Variants in NR2C1 observed in about 807,000 individuals in gnomAD.
The protein encoded by NR2C1 is TR2 nuclear hormone receptor.
Under a neutral mutation model 74.8 loss-of-function variants are expected in NR2C1, and 33 were observed. The ratio of observed to expected loss-of-function variants is 0.44; its 90% CI spans 0.33 to 0.59. The LOEUF (loss-of-function observed/expected upper bound fraction) is 0.59, where lower values mean the gene tolerates loss of function less well. Ranked by LOEUF, NR2C1 falls within the 20% of genes least tolerant of loss-of-function variation. The pLI, the probability that NR2C1 is intolerant of heterozygous loss-of-function variation, is 0.02. For missense variants in NR2C1, 568 were observed against 715.6 expected, an observed-to-expected ratio of 0.79 and a Z score of 2.35; for synonymous variants, 225 against 240.6, an observed-to-expected ratio of 0.94 and a Z score of 0.60.
chr12:95,063,776 T>C (rs995196101), intron 2 of NR2C1, among the ~76,000 whole-genome samples: 18 of 151,942 alleles, frequency 1.2e-4, no homozygotes, highest in African/African-American at 4.4e-4. Flanking sequence ...ACGCCCATAA[T>C]CCCAGCACTT....
chr12:95,069,273 T>G (rs1876217520), intron 1 of NR2C1, among the ~76,000 whole-genome samples: 1 of 152,212 alleles, frequency 6.6e-6, no homozygotes, highest in Non-Finnish European at 1.5e-5. Context: ...AACTATTTGT[T>G]TATCTGAATG....
intron 7 of NR2C1, among the ~76,000 whole-genome samples, chr12:95,055,529 G>A (rs550757731): frequency 6.6e-6 from 1 of 152,212 alleles, no homozygotes; most frequent in Admixed American, 6.5e-5. Flanking sequence ...CTTGCCTAAT[G>A]TTATATAGCT....
intron 2 of NR2C1, among the ~76,000 whole-genome samples, chr12:95,064,697 G>A (rs1470680706): frequency 6.6e-6 from 1 of 152,162 alleles, no homozygotes; most frequent in Non-Finnish European, 1.5e-5. Context: ...AGCATTGAGA[G>A]TTTCTGTTAT....
intron 1 of NR2C1, among the ~76,000 whole-genome samples, chr12:95,072,391 T>C (rs922209799): frequency 6.9e-6 from 1 of 144,682 alleles, no homozygotes; most frequent in African/African-American, 2.6e-5. Flanking sequence ...AGGCGGAGGT[T>C]GCAGTGAGCC....
chr12:95,030,903 T>C, intron 11 of NR2C1: 1 of 1,551,886 alleles, frequency 6.4e-7, no homozygotes, highest in South Asian at 1.1e-5. Flanking sequence ...ATAAAAAGGA[T>C]TGTTCCTGAC....
intron 7 of NR2C1, among the ~76,000 whole-genome samples, chr12:95,052,464 CT>C (rs1565860488): frequency 3.3e-5 from 5 of 151,934 alleles, no homozygotes; most frequent in Admixed American, 2.6e-4. Context: ...GTATATGTTA[CT>C]TTTTTTTAAG....
intron 2 of NR2C1, among the ~76,000 whole-genome samples, chr12:95,065,264 C>T (rs1451109769): frequency 6.6e-6 from 1 of 151,992 alleles, no homozygotes; most frequent in African/African-American, 2.4e-5. Context: ...CTCACTGCAA[C>T]CTCTGCCTCC....
At chr12:95,068,096 C>T (rs553686980) in intron 1 of NR2C1, among the ~76,000 whole-genome samples, 77 of 152,020 alleles carry the variant, frequency 5.1e-4, no homozygotes, top group African/African-American at 1.7e-3. Flanking sequence ...GCCAGGATGG[C>T]CTTGATCTCC....
rs967004466 is a variant in NR2C1 at position 95,020,646 on chromosome 12, T to G, written c.*1583A>C. ...ATCCACATCCCCACAAAAACTTCACTTTTCTTCTATTGCAAAAATCTTTAC... is the reference window on the plus strand; with the variant it reads ...ATCCACATCCCCACAAAAACTTCACGTTTCTTCTATTGCAAAAATCTTTAC... On this transcript the variant is annotated 3_prime_UTR_variant, in exon 14 of 14. Coordinates refer to ENST00000333003, the MANE Select transcript of NR2C1 (RefSeq NM_003297.4). 52 of 152,344 alleles carry G rather than the reference T, an allele frequency of 3.4e-4. No homozygotes were observed. Among genetic ancestry groups the G allele is most frequent in the African/African-American group, 1.1e-3 (47 of 41,582 alleles). 9.4% of individuals were successfully genotyped at this position (152,344 alleles called of 1,614,324 possible). A position where few individuals can be genotyped will look rare whatever the true frequency, so the allele number is the denominator to read the frequency against.
chr12:95,030,685 A>G, intron 11 of NR2C1: 1 of 1,604,534 alleles, frequency 6.2e-7, no homozygotes, highest in Non-Finnish European at 8.5e-7. Flanking sequence ...ACAATAAGAA[A>G]TAGAATATGC....
At chr12:95,033,334 T>C (rs1361151533) in intron 10 of NR2C1, among the ~76,000 whole-genome samples, 1 of 152,070 alleles carries the variant, frequency 6.6e-6, no homozygotes, top group Non-Finnish European at 1.5e-5. Flanking sequence ...GTATAAAGGA[T>C]GTATATTAGA....
chr12:95,047,714 A>C (rs977865849), intron 9 of NR2C1, among the ~76,000 whole-genome samples: 2 of 152,222 alleles, frequency 1.3e-5, no homozygotes, highest in Non-Finnish European at 2.9e-5. Flanking sequence ...ATCCCTTTGC[A>C]TACATCTTGC....
chr12:95,049,424 T>C, intron 8 of NR2C1, 191 bp from the exon 9 acceptor site: 1 of 430,322 alleles, frequency 2.3e-6, no homozygotes, highest in Non-Finnish European at 4.1e-6. Context: ...TGGCCTAAAG[T>C]CTCTTTTTAA....
At position 95,059,395 on chromosome 12, in the gene NR2C1, T is replaced by C. The variant is rs147844949; in HGVS notation, c.364+511A>G. ...AAATCATATTAAATTGCACTGAAGT[T>C]AAAAAATATAAGTGAATAAAGAACT... On this transcript the variant is annotated intron_variant, in intron 4 of 13. Transcript: ENST00000333003. 1.3e-3 allele frequency among the ~76,000 whole-genome samples: 198 copies of C among 151,994 alleles called. No individual in the cohort carries two copies. In the East Asian group the frequency reaches 0.026, roughly 20 times the overall value.
In NR2C1 at chr12:95,041,782, T is replaced by C. The variant is rs535176984; in HGVS notation, c.1132-1185A>G. Among the ~76,000 whole-genome samples the C allele has an allele frequency of 2.6e-5, 4 of 152,318 alleles. No individual in the cohort carries two copies. The East Asian group carries it at 7.7e-4, about 29-fold the overall frequency. On this transcript the variant is annotated intron_variant, in intron 9 of 13. Transcript: ENST00000333003. ...TTTTGAAAGTAAGTACATGCAATAATACCACTTCTAAATCTCTGTTCCAGC... is the reference window on the plus strand; with the variant it reads ...TTTTGAAAGTAAGTACATGCAATAACACCACTTCTAAATCTCTGTTCCAGC...
chr12:95,041,017 A>G (rs1407559239), intron 9 of NR2C1, among the ~76,000 whole-genome samples: 3 of 152,222 alleles, frequency 2.0e-5, no homozygotes, highest in Non-Finnish European at 4.4e-5. Context: ...AAGCCAGGAG[A>G]GTAAGGAGTG....
At chr12:95,053,785 G>A (rs759621637) in intron 7 of NR2C1, among the ~76,000 whole-genome samples, 8 of 145,592 alleles carry the variant, frequency 5.5e-5, no homozygotes, top group Non-Finnish European at 8.9e-5. Flanking sequence ...CTGGGTTCAC[G>A]CCATTCTCCT....
chr12:95,068,782 G>A (rs1246099643), intron 1 of NR2C1, among the ~76,000 whole-genome samples: 1 of 149,966 alleles, frequency 6.7e-6, no homozygotes, highest in Non-Finnish European at 1.5e-5. Flanking sequence ...CCACAAGAGT[G>A]AAATTCTGTC....
Position 95,049,663 on chromosome 12 carries a change from A to G in NR2C1, c.966-430T>C, listed in dbSNP as rs565502528. ...CATTATATGTATGATATATATATAT[A>G]TGATACTACAAGACTATCAGCCTAT... On this transcript the variant is annotated intron_variant, in intron 8 of 13. Transcript: ENST00000333003. Among the ~76,000 whole-genome samples, 8 of 152,192 alleles carry G rather than the reference A, an allele frequency of 5.3e-5. No homozygotes were observed. In the East Asian group the frequency reaches 1.5e-3, roughly 29 times the overall value.
Sources: gnomAD v4.1 joint callset for allele counts (sites outside exome capture counted in the v4.1 genomes callset) on GRCh38, gnomAD v4.1.1 for gene constraint, MANE v1.5 for transcripts, NCBI Gene and HGNC (gene_info 2026-07-23, HGNC 2026-07-21) for gene names.